RUBCN: variants seen among roughly 807,000 people sequenced by gnomAD.
The protein encoded by RUBCN is rubicon autophagy regulator.
RUBCN carries 74 observed loss-of-function variants against 113.2 expected under a neutral mutation model. That is an observed-to-expected ratio of 0.65 (90% CI 0.54 to 0.79). The LOEUF (loss-of-function observed/expected upper bound fraction) is 0.79, where lower values mean the gene tolerates loss of function less well. RUBCN is among the 30% of genes least tolerant of loss of function. RUBCN has a pLI of 0.00. For synonymous variants in RUBCN, 480 were observed against 490.0 expected (o/e 0.98, Z 0.27); for missense variants, 1,109 against 1,251.7 (o/e 0.89, Z 1.72).
rs146987851 is a variant in RUBCN, at chr3:197,683,497, C to T, written c.1848-58G>A. ...CAGGGAAAGGATGGGCGATGCGAGG[C>T]TTCCCTTCATGATCTCATCCCCCAC... On this transcript the variant is annotated intron_variant, in intron 12 of 19. Transcript: ENST00000296343. The surrounding 1 kb of genome is among the most constrained non-coding windows in gnomAD (Gnocchi z 4.6). The T allele has an allele frequency of 2.1e-4, 331 of 1,602,410 alleles. 2 individuals carry two copies. In the African/African-American group the frequency reaches 3.6e-3, roughly 17 times the overall value.
At position 197,746,815 on chromosome 3, in the gene RUBCN, C is replaced by T. The variant is rs9862273; in HGVS notation, c.-116+2454G>A. ...GGCGAAGCTGTGGAACTGCTGTACA[C>T]CAACAAAGGCTGAATGCCCACGTCC... is the stretch of plus-strand genomic sequence containing the variant. On this transcript the variant is annotated intron_variant, in intron 1 of 20. Coordinates refer to the RUBCN transcript ENST00000273582. Among the ~76,000 whole-genome samples, 1,462 of 152,274 alleles carry T rather than the reference C, an allele frequency of 9.6e-3. 12 individuals carry two copies. The highest frequency in any genetic ancestry group is 0.033 in the African/African-American group (1,386 of 41,542).
chr3:197,675,609 G>T lies in RUBCN; in HGVS notation c.2647-94C>A. 1.1e-6 allele frequency: 1 copy of T among 945,458 alleles called. No homozygotes were observed. The highest frequency in any genetic ancestry group is 1.7e-6 in the Non-Finnish European group (1 of 582,442). The allele number at this position is 945,458 out of a possible 1,614,324, so 58.6% of individuals were successfully genotyped here. On this transcript the variant is annotated intron_variant, in intron 18 of 19. Coordinates refer to ENST00000296343, the MANE Select transcript of RUBCN (RefSeq NM_014687.4). This position sits in a 1 kb window ranked among gnomAD's most constrained non-coding sequence, Gnocchi z 4.4. Reference sequence around the variant, plus strand: ...ACCGAGGAGGGGAGTGGTCTACAGGGTTCTGCTGCCCACAGGGAGGAGGCC... The same window carrying T: ...ACCGAGGAGGGGAGTGGTCTACAGGTTTCTGCTGCCCACAGGGAGGAGGCC...
At chr3:197,703,499 G>A (rs778443232) in intron 5 of RUBCN, 49 bp downstream of exon 5, 3 of 1,252,078 alleles carry the variant, frequency 2.4e-6, no homozygotes, top group South Asian at 1.2e-5. Context: ...ACATCCTGCT[G>A]AGCTCCAGGG....
chr3:197,700,716 C>A lies in RUBCN; in HGVS notation c.1158G>T (p.Arg386Ser), dbSNP rs1723550330. The A allele has an allele frequency of 6.2e-7, 1 of 1,614,228 alleles. No homozygotes were observed. The highest frequency in any genetic ancestry group is 1.3e-5 in the African/African-American group (1 of 75,064). ...GTGTCTGCCCCTCTGAGAAGCTGGA[C>A]CTGCGGAGGACACTGGACAGCTGGC... Reference protein sequence around the residue: ...GESQLSSVLRRSSFSEGQTLT... With the variant: ...GESQLSSVLRSSSFSEGQTLT... Residue 386 changes from arginine to serine, a missense_variant, in exon 7 of 20, where the codon AGG (arginine) becomes AGT (serine). Physicochemically the swap from Arg to Ser is moderately radical, Grantham distance 110. Transcript: ENST00000296343.
At chr3:197,704,950 C>T in intron 3 of RUBCN, 142 bp downstream of exon 3, 2 of 780,546 alleles carry the variant, frequency 2.6e-6, no homozygotes, top group Non-Finnish European at 4.4e-6. Context: ...TCAGTCCCTA[C>T]AGGGATAATT....
At position 197,693,705 on chromosome 3, in the gene RUBCN, C is replaced by T; in HGVS notation, c.1786+10G>A. The T allele has an allele frequency of 6.3e-7, 1 of 1,575,190 alleles. No homozygotes were observed. Among genetic ancestry groups the T allele is most frequent in the Non-Finnish European group, 8.7e-7 (1 of 1,144,526 alleles). On this transcript the variant is annotated intron_variant, in intron 11 of 19. Coordinates refer to ENST00000296343, the MANE Select transcript of RUBCN (RefSeq NM_014687.4). ...TAAAAGTTCCCTTGTAACAAAGTGT[C>T]ACTTCTTACCTTGGATTTCAAATTC...
intron 2 of RUBCN, among the ~76,000 whole-genome samples, chr3:197,715,648 T>C (rs144176672): frequency 6.6e-6 from 1 of 152,280 alleles, no homozygotes; most frequent in Non-Finnish European, 1.5e-5. Flanking sequence ...AGGTTAAGTA[T>C]TTTGCCCAAG....
chr3:197,686,771 T>C (rs748983099), intron 11 of RUBCN, among the ~76,000 whole-genome samples: 1 of 152,334 alleles, frequency 6.6e-6, no homozygotes, highest in South Asian at 2.1e-4. Flanking sequence ...AACTTTTTAT[T>C]GATTTTTTTG....
At chr3:197,684,697 T>TAC (rs1458791605) in intron 11 of RUBCN, among the ~76,000 whole-genome samples, 1 of 151,416 alleles carries the variant, frequency 6.6e-6, no homozygotes, top group African/African-American at 2.4e-5. Flanking sequence ...CACATATATA[T>TAC]ACATATATAC....
chr3:197,687,136 T>C (rs1034771262), intron 11 of RUBCN, among the ~76,000 whole-genome samples: 10 of 152,232 alleles, frequency 6.6e-5, no homozygotes, highest in Non-Finnish European at 8.8e-5. Context: ...CCGGTTTCCA[T>C]CCTGCTTTCT....
chr3:197,738,031 G>A (rs142443750), upstream of RUBCN, among the ~76,000 whole-genome samples: 368 of 152,294 alleles, frequency 2.4e-3, 1 homozygote, highest in Non-Finnish European at 3.7e-3. Flanking sequence ...TGGGACTACA[G>A]GTGCGAGCCA....
chr3:197,728,254 G>C (rs1459921619), intron 1 of RUBCN, among the ~76,000 whole-genome samples: 1 of 152,232 alleles, frequency 6.6e-6, no homozygotes, highest in African/African-American at 2.4e-5. Flanking sequence ...ACAGCTGTGG[G>C]GAGAGGAAAA....
intron 10 of RUBCN, 121 bp from the exon 11 acceptor site, chr3:197,693,937 T>G: frequency 4.1e-6 from 3 of 733,070 alleles, no homozygotes; most frequent in Admixed American, 2.2e-5. Context: ...ACTTTCCCTT[T>G]AGAAAGTTTC....
intron 2 of RUBCN, among the ~76,000 whole-genome samples, chr3:197,709,488 C>A (rs1189689674): frequency 6.6e-6 from 1 of 152,160 alleles, no homozygotes; most frequent in African/African-American, 2.4e-5. Flanking sequence ...TCAAGCAATT[C>A]TCCTGCCTCA....
intron 17 of RUBCN, 30 bp from the exon 18 acceptor site, chr3:197,677,068 G>A (rs1720525447): frequency 5.6e-6 from 9 of 1,603,788 alleles, no homozygotes; most frequent in Non-Finnish European, 7.7e-6. Context: ...GCAGGTGAGG[G>A]AATGAACAGT....
intron 16 of RUBCN, among the ~76,000 whole-genome samples, 167 bp from the exon 17 acceptor site, chr3:197,677,708 T>G (rs887657969): frequency 5.3e-5 from 8 of 152,216 alleles, no homozygotes; most frequent in Non-Finnish European, 1.0e-4. Flanking sequence ...TCCTATGCTC[T>G]GACTCGACAC....
At chr3:197,706,875 G>T (rs999811550) in intron 2 of RUBCN, among the ~76,000 whole-genome samples, 4 of 152,192 alleles carry the variant, frequency 2.6e-5, no homozygotes, top group Non-Finnish European at 4.4e-5. Flanking sequence ...GGAAATGTCA[G>T]ATGTGCAGGC....
At chr3:197,696,325 T>A (rs1722995391) in intron 8 of RUBCN, among the ~76,000 whole-genome samples, 1 of 149,598 alleles carries the variant, frequency 6.7e-6, no homozygotes, top group African/African-American at 2.5e-5. Context: ...TGAGCCAAGA[T>A]CGCACCACTG....
rs1451631550 is a variant in RUBCN at position 197,700,738 on chromosome 3, TG to T, written c.1135del (p.Gln379SerfsTer51). 35 of 1,614,104 alleles carry T rather than the reference TG, an allele frequency of 2.2e-5. No homozygotes were observed. Among genetic ancestry groups the T allele is most frequent in the Non-Finnish European group, 2.9e-5 (34 of 1,180,046 alleles). On this transcript the variant is annotated frameshift_variant, in exon 7 of 20. Coordinates refer to ENST00000296343, the MANE Select transcript of RUBCN (RefSeq NM_014687.4). LOFTEE classifies it high-confidence loss of function. ...LGDQEGGGES[Q>X]LSSVLRRSSF... ...GGACCTGCGGAGGACACTGGACAGC[TG>T]GCTCTCCCCACCTCCTTCCTGGTCC...
Sources: gnomAD v4.1 joint callset for allele counts (sites outside exome capture counted in the v4.1 genomes callset) on GRCh38, gnomAD v4.1.1 for gene constraint, Gnocchi (gnomAD v3.1) non-coding constraint, MANE v1.5 for transcripts, NCBI Gene and HGNC (gene_info 2026-07-23, HGNC 2026-07-21) for gene names.